Variants in VAV2 observed in about 807,000 individuals in gnomAD.
VAV2 encodes the protein vav guanine nucleotide exchange factor 2, also known as guanine nucleotide exchange factor VAV2.
VAV2 carries 67 observed loss-of-function variants against 132.5 expected under a neutral mutation model. That is an observed-to-expected ratio of 0.51 (90% confidence interval 0.42 to 0.62). The LOEUF (loss-of-function observed/expected upper bound fraction) is 0.62. Ranked by LOEUF, VAV2 falls within the 20% of genes least tolerant of loss-of-function variation. The pLI is 0.00. For synonymous variants in VAV2, 492 were observed against 443.5 expected, an observed-to-expected ratio of 1.11 and a Z score of -1.37; for missense variants, 938 against 1,153.6, an observed-to-expected ratio of 0.81 and a Z score of 2.71.
At position 133,796,327 on chromosome 9, in the gene VAV2, T is replaced by C. The variant is rs550879794; in HGVS notation, c.1032+102A>G. ...TGAACTGACTTGTCTATATTCAACT[T>C]AATCTGTCTGTGGGCTGCAACCTAT... On this transcript the variant is annotated intron_variant, in intron 11 of 29. Transcript: ENST00000371850. The C allele has an allele frequency of 1.3e-5, 13 of 963,482 alleles. No homozygotes were observed. In the East Asian group the frequency reaches 3.4e-4, roughly 25 times the overall value. 59.7% of individuals were successfully genotyped at this position (963,482 alleles called of 1,614,324 possible).
intron 1 of VAV2, among the ~76,000 whole-genome samples, chr9:133,940,769 T>A (rs1270611365): frequency 6.6e-6 from 1 of 152,092 alleles, no homozygotes; most frequent in Middle Eastern, 3.2e-3. Context: ...TACCTGAGTG[T>A]GTAATTCCTA....
At chr9:133,860,553 T>C (rs1327019642) in intron 3 of VAV2, among the ~76,000 whole-genome samples, 1 of 152,056 alleles carries the variant, frequency 6.6e-6, no homozygotes, top group Non-Finnish European at 1.5e-5. Flanking sequence ...ACGGATCACA[T>C]CAGGGTAAGG....
rs1026919674 is a variant in VAV2, at chr9:133,912,065, A to G, written c.321+27038T>C. Among the ~76,000 whole-genome samples, 1 of 152,164 alleles carries G rather than the reference A, an allele frequency of 6.6e-6. No homozygotes were observed. Among genetic ancestry groups the G allele is most frequent in the Non-Finnish European group, 1.5e-5 (1 of 68,026 alleles). On this transcript the variant is annotated intron_variant, in intron 2 of 29. Coordinates refer to ENST00000371850, the MANE Select transcript of VAV2 (RefSeq NM_001134398.2). The surrounding 1 kb of genome is among the most constrained non-coding windows in gnomAD (Gnocchi z 4.3). ...GTATTAGGCCTGGCATCCATTAGCTATCTTTCCTGATCTCCTCCCTGCCCT... is the reference window on the plus strand; with the variant it reads ...GTATTAGGCCTGGCATCCATTAGCTGTCTTTCCTGATCTCCTCCCTGCCCT...
intron 25 of VAV2, among the ~76,000 whole-genome samples, chr9:133,772,798 C>T (rs1458447135): frequency 5.3e-5 from 8 of 152,126 alleles, no homozygotes; most frequent in African/African-American, 1.9e-4. Flanking sequence ...GCTTCCATCA[C>T]TGTACGAACG....
rs557641212 is a variant in VAV2, at chr9:133,777,018, G to C, written c.1965+371C>G. 1.1e-4 allele frequency among the ~76,000 whole-genome samples: 17 copies of C among 152,312 alleles called. No individual in the cohort carries two copies. In the East Asian group the frequency reaches 3.1e-3, roughly 28 times the overall value. On this transcript the variant is annotated intron_variant, in intron 23 of 29. Coordinates refer to ENST00000371850, the MANE Select transcript of VAV2 (RefSeq NM_001134398.2). ...AGCTTTGAATCCTTATGTTTGAGGG[G>C]AGCCTTTTTTTCTCTCTAAGGCTGC...
At position 133,804,734 on chromosome 9, in the gene VAV2, C is replaced by T. The variant is rs1004108603; in HGVS notation, c.836+1347G>A. On this transcript the variant is annotated intron_variant, in intron 9 of 29. Transcript: ENST00000371850. The surrounding 1 kb of genome is among the most constrained non-coding windows in gnomAD (Gnocchi z 4.5). Reference sequence around the variant, plus strand: ...GCGACAGCCAGTGTGACCTGCCAGCCGGGCACTATCAGCTCACCCACAGAT... The same window carrying T: ...GCGACAGCCAGTGTGACCTGCCAGCTGGGCACTATCAGCTCACCCACAGAT... Among the ~76,000 whole-genome samples the T allele has an allele frequency of 5.9e-5, 9 of 152,194 alleles. No homozygotes were observed. The highest frequency in any genetic ancestry group is 2.2e-4 in the African/African-American group (9 of 41,442).
chr9:133,778,272 G>A (rs1588161788), intron 22 of VAV2, among the ~76,000 whole-genome samples: 2 of 152,134 alleles, frequency 1.3e-5, no homozygotes, highest in East Asian at 1.9e-4. Context: ...AACCATAAAC[G>A]ACATCACGAT....
chr9:133,944,228 C>T (rs1310687732), intron 1 of VAV2, among the ~76,000 whole-genome samples: 2 of 152,174 alleles, frequency 1.3e-5, no homozygotes, highest in Non-Finnish European at 2.9e-5. Context: ...GGGCGCCCTT[C>T]AGCCTATGTG....
chr9:133,844,742 G>A (rs1441410452), intron 3 of VAV2, among the ~76,000 whole-genome samples: 2 of 152,242 alleles, frequency 1.3e-5, no homozygotes, highest in African/African-American at 4.8e-5. Flanking sequence ...GGCAGAGAAA[G>A]GTGGACAGAG....
chr9:133,973,172 CCT>C (rs1388711542), intron 1 of VAV2, among the ~76,000 whole-genome samples: 4 of 152,076 alleles, frequency 2.6e-5, no homozygotes, highest in Non-Finnish European at 4.4e-5. Context: ...TGCAAGCCCC[CCT>C]GTCTGCACAC....
At chr9:133,836,201 G>A (rs887814331) in intron 3 of VAV2, among the ~76,000 whole-genome samples, 2 of 152,208 alleles carry the variant, frequency 1.3e-5, no homozygotes, top group African/African-American at 2.4e-5. Context: ...GCCACAACCT[G>A]GAGGGGACTG....
rs1013866472 is a variant in VAV2 at position 133,884,703 on chromosome 9, A to G, written c.322-23271T>C. ...AAAAAAAACACCTCTGGCTTTAAAA[A>G]TGTTTTAACTCCAAAGATTTTTAAT... On this transcript the variant is annotated intron_variant, in intron 2 of 29. Transcript: ENST00000371850. This position sits in a 1 kb window ranked among gnomAD's most constrained non-coding sequence, Gnocchi z 5.3. 3.9e-5 allele frequency among the ~76,000 whole-genome samples: 6 copies of G among 152,268 alleles called. No individual in the cohort carries two copies. The highest frequency in any genetic ancestry group is 1.4e-4 in the African/African-American group (6 of 41,470).
chr9:133,887,359 C>T (rs184512756), intron 2 of VAV2, among the ~76,000 whole-genome samples: 25 of 152,118 alleles, frequency 1.6e-4, no homozygotes, highest in Non-Finnish European at 5.9e-5. Context: ...CTCCAGGGAG[C>T]GCATGCCCCA....
intron 1 of VAV2, among the ~76,000 whole-genome samples, chr9:133,948,821 G>A (rs1841458900): frequency 6.6e-6 from 1 of 152,208 alleles, no homozygotes; most frequent in Non-Finnish European, 1.5e-5. Context: ...GAGCTGTCAC[G>A]TATCCCTGGT....
At chr9:133,970,281 C>T (rs759990387) in intron 1 of VAV2, among the ~76,000 whole-genome samples, 12 of 152,168 alleles carry the variant, frequency 7.9e-5, no homozygotes, top group African/African-American at 2.4e-4. Flanking sequence ...ACACAGCAAG[C>T]GATGTGAGGA....
At chr9:133,775,920 G>A in intron 24 of VAV2, 108 bp downstream of exon 24, 4 of 1,404,094 alleles carry the variant, frequency 2.8e-6, no homozygotes, top group Non-Finnish European at 3.8e-6. Flanking sequence ...GCAGCCTGGG[G>A]CCTCCACCCT....
rs1660114827 is a variant in VAV2, at chr9:133,795,703, T to C, written c.1066A>G (p.Arg356Gly). 1 of 1,614,006 alleles carries C rather than the reference T, an allele frequency of 6.2e-7. No individual in the cohort carries two copies. Among genetic ancestry groups the C allele is most frequent in the South Asian group, 1.1e-5 (1 of 91,090 alleles). Residue 356 changes from arginine to glycine, a missense_variant, in exon 12 of 30, where the codon AGG becomes GGG. Arg to Gly is a moderately radical substitution (Grantham distance 125). Transcript: ENST00000371850. ...LLSHSAERPE[R>G]QQLKEALEAM... is the part of the protein sequence containing the mutation. Reference sequence around the variant, plus strand: ...TCCAGTGCTTCTTTGAGCTGCTGCCTCTCAGGCCGTTCCGCAGAATGGCTC... The same window carrying C: ...TCCAGTGCTTCTTTGAGCTGCTGCCCCTCAGGCCGTTCCGCAGAATGGCTC...
intron 10 of VAV2, among the ~76,000 whole-genome samples, chr9:133,797,103 G>T (rs1338570996): frequency 1.3e-5 from 2 of 152,218 alleles, no homozygotes; most frequent in Non-Finnish European, 2.9e-5. Flanking sequence ...CAGAAACCAG[G>T]GTGTACTAAC....
At chr9:133,816,138 G>C (rs1400502674) in intron 4 of VAV2, among the ~76,000 whole-genome samples, 2 of 152,182 alleles carry the variant, frequency 1.3e-5, no homozygotes, top group African/African-American at 4.8e-5. Context: ...CTTCCTTTGT[G>C]AAGAGTCTGT....
Sources: gnomAD v4.1 joint callset for allele counts (sites outside exome capture counted in the v4.1 genomes callset) on GRCh38, gnomAD v4.1.1 for gene constraint, Gnocchi (gnomAD v3.1) non-coding constraint, MANE v1.5 for transcripts, NCBI Gene and HGNC (gene_info 2026-07-23, HGNC 2026-07-21) for gene names.